Variants in ERC2 observed in about 807,000 individuals in gnomAD.
ERC2 encodes ERC protein 2.
In ERC2, 42 loss-of-function variants were observed where a neutral mutation model predicts 114.8. The ratio of observed to expected loss-of-function variants is 0.37; its 90% CI spans 0.29 to 0.47. The LOEUF (loss-of-function observed/expected upper bound fraction) is 0.47, where lower values mean the gene tolerates loss of function less well. ERC2 is among the 20% of genes least tolerant of loss of function. The pLI, the probability that ERC2 is intolerant of heterozygous loss-of-function variation, is 0.99. For synonymous variants in ERC2, 454 were observed against 425.5 expected (o/e 1.07, Z -0.82); for missense variants, 939 against 1,150.7 (o/e 0.82, Z 2.66).
At chr3:55,783,662 C>T (rs1002391758) in intron 14 of ERC2, among the ~76,000 whole-genome samples, 15 of 152,130 alleles carry the variant, frequency 9.9e-5, no homozygotes, top group African/African-American at 2.9e-4. Context: ...ATGTGCCTAT[C>T]ATTTGGGCTT....
At chr3:56,097,357 TC>T (rs1038533619) in intron 6 of ERC2, among the ~76,000 whole-genome samples, 4 of 152,144 alleles carry the variant, frequency 2.6e-5, no homozygotes, top group Non-Finnish European at 4.4e-5. Context: ...CTTTTTTTTT[TC>T]TTAAAGGCAG....
intron 17 of ERC2, among the ~76,000 whole-genome samples, chr3:55,671,323 A>C (rs138416028): frequency 1.9e-3 from 289 of 152,330 alleles, no homozygotes; most frequent in African/African-American, 6.7e-3. Context: ...TTCAATAAAA[A>C]AATCTATGAA....
At chr3:56,376,688 G>A (rs915794188) in intron 2 of ERC2, among the ~76,000 whole-genome samples, 4 of 151,904 alleles carry the variant, frequency 2.6e-5, no homozygotes, top group Admixed American at 1.3e-4. Context: ...GCTTGAATCC[G>A]GGAGGCGGAG....
intron 14 of ERC2, among the ~76,000 whole-genome samples, chr3:55,836,670 T>A (rs1174630496): frequency 2.1e-4 from 32 of 152,118 alleles, no homozygotes; most frequent in African/African-American, 7.5e-4. Context: ...AACCTAGGCA[T>A]TACCATTCAG....
intron 17 of ERC2, among the ~76,000 whole-genome samples, chr3:55,570,651 C>G (rs1194722135): frequency 2.6e-5 from 4 of 152,168 alleles, no homozygotes; most frequent in African/African-American, 9.7e-5. Flanking sequence ...GTCAGATAAA[C>G]CACCTAGACT....
chr3:55,745,816 G>C (rs999940957), intron 14 of ERC2, among the ~76,000 whole-genome samples: 1 of 152,072 alleles, frequency 6.6e-6, no homozygotes, highest in African/African-American at 2.4e-5. Context: ...CCAGAAAATA[G>C]GTCACTGACA....
At chr3:55,625,387 A>G (rs1175982422) in intron 17 of ERC2, among the ~76,000 whole-genome samples, 2 of 151,604 alleles carry the variant, frequency 1.3e-5, no homozygotes, top group Non-Finnish European at 2.9e-5. Context: ...AAAAAAAAAA[A>G]AAAGAAAAGA....
At chr3:56,367,731 G>A (rs2059203544) in intron 2 of ERC2, among the ~76,000 whole-genome samples, 1 of 152,018 alleles carries the variant, frequency 6.6e-6, no homozygotes, top group South Asian at 2.1e-4. Context: ...TTATCAAGCT[G>A]CAAACATTGA....
intron 12 of ERC2, among the ~76,000 whole-genome samples, chr3:55,963,813 C>T (rs1048719060): frequency 2.6e-5 from 4 of 152,130 alleles, no homozygotes; most frequent in South Asian, 2.1e-4. Context: ...TGGGGGCTAA[C>T]GCTGGAGGAA....
At chr3:55,577,279 A>G (rs960158254) in intron 17 of ERC2, among the ~76,000 whole-genome samples, 2 of 151,372 alleles carry the variant, frequency 1.3e-5, no homozygotes, top group Admixed American at 6.6e-5. Context: ...AAAAAAGAGA[A>G]AAAAAAAAAT....
chr3:56,231,811 T>C (rs1333381607), intron 3 of ERC2, among the ~76,000 whole-genome samples: 1 of 152,102 alleles, frequency 6.6e-6, no homozygotes, highest in African/African-American at 2.4e-5. Context: ...ACCCACAGCC[T>C]AGTTACTGAG....
At chr3:55,977,655 G>A (rs2069698659) in intron 12 of ERC2, among the ~76,000 whole-genome samples, 1 of 152,236 alleles carries the variant, frequency 6.6e-6, no homozygotes, top group African/African-American at 2.4e-5. Context: ...TTTAGCCTCT[G>A]TAGAGGACGA....
chr3:56,394,155 T>C (rs1427911351), intron 2 of ERC2, among the ~76,000 whole-genome samples: 1 of 152,188 alleles, frequency 6.6e-6, no homozygotes, highest in Non-Finnish European at 1.5e-5. Flanking sequence ...AAAGCAGAAG[T>C]GAAAACTATC....
intron 17 of ERC2, among the ~76,000 whole-genome samples, chr3:55,545,887 A>G (rs1469128397): frequency 6.6e-6 from 1 of 152,026 alleles, no homozygotes; most frequent in Non-Finnish European, 1.5e-5. Flanking sequence ...GGGGCGGGGG[A>G]ACTAGAGAAT....
Position 55,873,493 on chromosome 3 carries a change from TATTTGTTATG to T in ERC2, c.2564+14886_2564+14895del, listed in dbSNP as rs1194050853. ...TATATAAAGATCTTTACACTGTAGT[TATTTGTTATG>T]ATTTTCAAAACACAATCCAGTCATG... On this transcript the variant is annotated intron_variant, in intron 14 of 17. Transcript: ENST00000288221. 2.6e-5 allele frequency among the ~76,000 whole-genome samples: 4 copies of T among 152,350 alleles called. No individual in the cohort carries two copies. The East Asian group carries it at 5.8e-4, about 22-fold the overall frequency.
At chr3:56,144,934 G>A (rs960576090) in intron 5 of ERC2, among the ~76,000 whole-genome samples, 19 of 152,118 alleles carry the variant, frequency 1.2e-4, no homozygotes, top group Admixed American at 1.1e-3. Flanking sequence ...TGATGCAATC[G>A]AACATACATG....
intron 16 of ERC2, among the ~76,000 whole-genome samples, chr3:55,688,669 G>C (rs1365871777): frequency 6.6e-6 from 1 of 152,160 alleles, no homozygotes; most frequent in African/African-American, 2.4e-5. Flanking sequence ...TCATATGCAA[G>C]TGGAAGCTAT....
chr3:56,243,010 CT>C (rs1414937376), intron 3 of ERC2, among the ~76,000 whole-genome samples: 1 of 152,124 alleles, frequency 6.6e-6, no homozygotes, highest in Non-Finnish European at 1.5e-5. Flanking sequence ...CCATTTTACC[CT>C]TCTTTTTGTA....
At chr3:55,666,087 G>A (rs1262173251) in intron 17 of ERC2, among the ~76,000 whole-genome samples, 1 of 152,186 alleles carries the variant, frequency 6.6e-6, no homozygotes. Context: ...ACCACCATGA[G>A]GTAGACACTA....
Sources: allele counts gnomAD v4.1 joint callset (sites outside exome capture counted in the v4.1 genomes callset), GRCh38; gene constraint gnomAD v4.1.1; transcripts MANE v1.5; gene names NCBI Gene and HGNC (gene_info 2026-07-23, HGNC 2026-07-21).